TACR3: variants seen among roughly 807,000 people sequenced by gnomAD.
TACR3 encodes neuromedin-K receptor.
In TACR3, 34 loss-of-function variants were observed where a neutral mutation model predicts 35.0. That is an observed-to-expected ratio of 0.97 (90% CI 0.74 to 1.30). TACR3 has a LOEUF of 1.30. Ranked by LOEUF, TACR3 falls within the 50% of genes most tolerant of loss-of-function variation. The pLI is 0.00. For synonymous variants in TACR3, 233 were observed against 221.1 expected (o/e 1.05, Z -0.48); for missense variants, 558 against 591.7 (o/e 0.94, Z 0.59).
At chr4:103,664,807 T>C (rs372752631) in intron 1 of TACR3, among the ~76,000 whole-genome samples, 31 of 152,152 alleles carry the variant, frequency 2.0e-4, no homozygotes, top group African/African-American at 7.5e-4. Context: ...CTGCCTTTTC[T>C]ATTCTTTGTT....
intron 1 of TACR3, among the ~76,000 whole-genome samples, chr4:103,694,810 T>C (rs1423542854): frequency 6.6e-6 from 1 of 152,150 alleles, no homozygotes; most frequent in African/African-American, 2.4e-5. Flanking sequence ...GCATGTATTA[T>C]TAAATATAGA....
At chr4:103,617,486 CATT>C (rs1560808561) in intron 3 of TACR3, among the ~76,000 whole-genome samples, 1 of 152,060 alleles carries the variant, frequency 6.6e-6, no homozygotes, top group African/African-American at 2.4e-5. Flanking sequence ...TTGTTTTCAT[CATT>C]ACTAGAAGAA....
At position 103,589,870 on chromosome 4, in the gene TACR3, T is replaced by C; in HGVS notation, c.1210A>G (p.Thr404Ala). 6.2e-7 allele frequency: 1 copy of C among 1,613,974 alleles called. No individual in the cohort carries two copies. Among genetic ancestry groups the C allele is most frequent in the Middle Eastern group, 1.6e-4 (1 of 6,062 alleles). ...PNRQSSMYTV[T>A]RMESMTVVFD... Reference sequence around the variant, plus strand: ...ACGACTGTCATGGACTCCATTCTGGTCACGGTGTACATACTGCTTTGCCGG... The same window carrying C: ...ACGACTGTCATGGACTCCATTCTGGCCACGGTGTACATACTGCTTTGCCGG... Residue 404 changes from threonine to alanine, a missense_variant, in exon 5 of 5, where the codon ACC becomes GCC. Thr to Ala is a moderately conservative substitution (Grantham distance 58). Transcript: ENST00000304883.
intron 1 of TACR3, among the ~76,000 whole-genome samples, chr4:103,674,945 T>C (rs759512204): frequency 4.6e-5 from 7 of 152,212 alleles, no homozygotes; most frequent in Non-Finnish European, 7.3e-5. Context: ...TAGATGTAAA[T>C]TATTTTATAT....
chr4:103,689,551 CAAT>C (rs1722352275), intron 1 of TACR3, among the ~76,000 whole-genome samples: 1 of 148,792 alleles, frequency 6.7e-6, no homozygotes, highest in Admixed American at 6.7e-5. Context: ...ACAACAACAA[CAAT>C]AAAACCTCTA....
intron 3 of TACR3, among the ~76,000 whole-genome samples, chr4:103,651,880 G>A (rs1000388649): frequency 4.6e-5 from 7 of 151,968 alleles, no homozygotes; most frequent in Admixed American, 2.6e-4. Flanking sequence ...GTCTAGAAAT[G>A]TCATCCTGCA....
intron 3 of TACR3, chr4:103,593,261 T>C (rs1723932223): frequency 6.6e-6 from 1 of 152,186 alleles, no homozygotes. Flanking sequence ...CTAAGATCTT[T>C]CTTGTCTTTT....
chr4:103,671,685 C>T (rs116826200), intron 1 of TACR3, among the ~76,000 whole-genome samples: 2 of 151,874 alleles, frequency 1.3e-5, no homozygotes, highest in Non-Finnish European at 2.9e-5. Context: ...CTCCTTTCTT[C>T]TTTGGCTAAA....
rs1722901101 is a variant in TACR3 at position 103,709,894 on chromosome 4, G to C, written c.548+9234C>G. Among the ~76,000 whole-genome samples the C allele has an allele frequency of 2.0e-5, 3 of 152,042 alleles. No homozygotes were observed. In the South Asian group the frequency reaches 6.2e-4, roughly 32 times the overall value. The stretch of plus-strand genomic sequence containing the variant: ...ATAAAACAGACTTTAAACCAACAAA[G>C]ATCAAAAGTGACAAAGAAGGCCATT... On this transcript the variant is annotated intron_variant, in intron 1 of 4. Coordinates refer to ENST00000304883, the MANE Select transcript of TACR3 (RefSeq NM_001059.3).
intron 3 of TACR3, among the ~76,000 whole-genome samples, chr4:103,616,320 T>TGTGTGTG (rs1201329545): frequency 8.3e-6 from 1 of 121,132 alleles, no homozygotes; most frequent in Non-Finnish European, 1.8e-5. Context: ...GTGTGTGTGT[T>TGTGTGTG]TGTGTATCAC....
intron 3 of TACR3, among the ~76,000 whole-genome samples, chr4:103,596,858 T>A (rs1184505320): frequency 1.3e-5 from 2 of 151,930 alleles, no homozygotes; most frequent in Non-Finnish European, 2.9e-5. Flanking sequence ...GCAGTTTGGT[T>A]TTTTGTCCTT....
intron 3 of TACR3, among the ~76,000 whole-genome samples, chr4:103,629,855 A>AAC (rs1725009918): frequency 8.6e-6 from 1 of 116,726 alleles, no homozygotes; most frequent in African/African-American, 3.5e-5. Flanking sequence ...CAAAACAAAA[A>AAC]AAAAACAAAA....
chr4:103,702,487 G>A (rs1182887577), intron 1 of TACR3, among the ~76,000 whole-genome samples: 1 of 152,204 alleles, frequency 6.6e-6, no homozygotes, highest in Non-Finnish European at 1.5e-5. Context: ...GTGGAAGTCA[G>A]TGTGGTGATT....
chr4:103,648,485 A>G (rs1343998292), intron 3 of TACR3, among the ~76,000 whole-genome samples: 2 of 151,722 alleles, frequency 1.3e-5, no homozygotes, highest in Non-Finnish European at 2.9e-5. Context: ...CTCTATCTCC[A>G]TGAGCTCAAT....
chr4:103,701,047 A>T (rs1281639370), intron 1 of TACR3, among the ~76,000 whole-genome samples: 2 of 152,046 alleles, frequency 1.3e-5, no homozygotes, highest in African/African-American at 4.8e-5. Flanking sequence ...AGTTCTGGCC[A>T]GGGCAATTAG....
At position 103,719,495 on chromosome 4, in the gene TACR3, G is replaced by T. The variant is rs200213663; in HGVS notation, c.181C>A (p.Pro61Thr). 1.3e-4 allele frequency: 216 copies of T among 1,611,782 alleles called. 3 individuals are homozygous for T. The South Asian group carries it at 2.3e-3, about 17-fold the overall frequency. Residue 61 changes from proline (P) to threonine (T), a missense_variant, in exon 1 of 5, where the codon CCT becomes ACT. Physicochemically the swap from Pro to Thr is conservative, Grantham distance 38. Transcript: ENST00000304883. ...LSSSPSALGL[P>T]VASPAPSQPW... ...TGGGAGGGCGCGGGGGAAGCCACAG[G>T]CAGTCCCAGCGCGGAAGGGGAGGAG...
At chr4:103,622,782 T>C (rs1380513355) in intron 3 of TACR3, among the ~76,000 whole-genome samples, 1 of 152,026 alleles carries the variant, frequency 6.6e-6, no homozygotes, top group Admixed American at 6.6e-5. Flanking sequence ...TACTAGGAAT[T>C]ATTCAGGTAC....
chr4:103,591,412 A>G, intron 4 of TACR3, 75 bp downstream of exon 4: 2 of 1,567,862 alleles, frequency 1.3e-6, no homozygotes, highest in Non-Finnish European at 8.8e-7. Context: ...TGAACCAAGA[A>G]AATGGAACAA....
intron 1 of TACR3, among the ~76,000 whole-genome samples, chr4:103,686,788 T>G (rs929834229): frequency 6.6e-5 from 10 of 152,146 alleles, no homozygotes; most frequent in African/African-American, 2.4e-4. Context: ...TAGGACCAGA[T>G]GGATTCACAG....
Sources: gnomAD v4.1 joint callset for allele counts (sites outside exome capture counted in the v4.1 genomes callset) on GRCh38, gnomAD v4.1.1 for gene constraint, MANE v1.5 for transcripts, NCBI Gene and HGNC (gene_info 2026-07-23, HGNC 2026-07-21) for gene names.